The following PRKD1 variants were observed in gnomAD, a reference collection of about 807,000 sequenced individuals.
PRKD1 encodes the protein protein kinase D1.
A neutral mutation model predicts 95.9 loss-of-function variants in PRKD1; 63 were observed. That is an observed-to-expected ratio of 0.66 (90% CI 0.54 to 0.81). The LOEUF (loss-of-function observed/expected upper bound fraction) is 0.81. PRKD1 is among the 30% of genes least tolerant of loss of function. PRKD1 has a pLI of 0.00. For synonymous variants in PRKD1, 425 were observed against 423.1 expected, an observed-to-expected ratio of 1.00 and a Z score of -0.05; for missense variants, 1,048 against 1,165.3, an observed-to-expected ratio of 0.90 and a Z score of 1.47.
At chr14:29,674,842 G>A (rs2139244394) in intron 2 of PRKD1, among the ~76,000 whole-genome samples, 2 of 152,292 alleles carry the variant, frequency 1.3e-5, no homozygotes, top group South Asian at 4.1e-4. Context: ...CATCACTGTT[G>A]TCAAATACAA....
At chr14:29,827,411 T>C (rs1057305959) in intron 1 of PRKD1, among the ~76,000 whole-genome samples, 1 of 152,086 alleles carries the variant, frequency 6.6e-6, no homozygotes, top group East Asian at 1.9e-4. Context: ...ATTGGATGCA[T>C]ACTCTGGACT....
intron 1 of PRKD1, among the ~76,000 whole-genome samples, chr14:29,834,121 T>G (rs1372654673): frequency 6.6e-6 from 1 of 152,196 alleles, no homozygotes. Context: ...AACTTTAATT[T>G]GTTTTAAATT....
intron 1 of PRKD1, among the ~76,000 whole-genome samples, chr14:29,775,766 A>T (rs116473096): frequency 0.011 from 1,676 of 152,216 alleles, 30 homozygotes; most frequent in African/African-American, 0.038. Context: ...GCAAACTTAA[A>T]TGTCCCTGTC....
intron 4 of PRKD1, among the ~76,000 whole-genome samples, chr14:29,640,849 T>A (rs1880712275): frequency 6.6e-6 from 1 of 152,186 alleles, no homozygotes; most frequent in African/African-American, 2.4e-5. Context: ...AAATCACTGT[T>A]CAGTTACATT....
rs556369264 is a variant in PRKD1 at position 29,694,024 on chromosome 14, C to G, written c.404-27816G>C. ...CAAATATTTGAAAATATGCATCAAC[C>G]TTCATAGGAACCCTCTACCTTCTAC... On this transcript the variant is annotated intron_variant, in intron 2 of 17. Coordinates refer to ENST00000331968, the MANE Select transcript of PRKD1 (RefSeq NM_002742.3). Among the ~76,000 whole-genome samples, 42 of 152,194 alleles carry G rather than the reference C, an allele frequency of 2.8e-4. No homozygotes were observed. In the South Asian group the frequency reaches 5.0e-3, roughly 18 times the overall value.
intron 1 of PRKD1, among the ~76,000 whole-genome samples, chr14:29,918,351 A>G (rs1276553053): frequency 1.3e-5 from 2 of 152,150 alleles, no homozygotes; most frequent in African/African-American, 4.8e-5. Context: ...AACTATGAAA[A>G]TATCAAATAG....
At chr14:29,583,888 C>T (rs1340163509) in intron 16 of PRKD1, among the ~76,000 whole-genome samples, 1 of 152,144 alleles carries the variant, frequency 6.6e-6, no homozygotes, top group African/African-American at 2.4e-5. Flanking sequence ...TTGGCTAACA[C>T]AGTTACTCTC....
chr14:29,792,030 A>G (rs138254646), intron 1 of PRKD1, among the ~76,000 whole-genome samples: 1 of 152,138 alleles, frequency 6.6e-6, no homozygotes, highest in African/African-American at 2.4e-5. Flanking sequence ...AATTTTAGCT[A>G]TTTTTCAGGT....
At chr14:29,780,994 A>G (rs568029681) in intron 1 of PRKD1, among the ~76,000 whole-genome samples, 1 of 152,206 alleles carries the variant, frequency 6.6e-6, no homozygotes, top group African/African-American at 2.4e-5. Context: ...TTGTAGGGAC[A>G]TGGATGAAGC....
chr14:29,577,647 T>C (rs1296328347), intron 17 of PRKD1, among the ~76,000 whole-genome samples, 191 bp from the exon 18 acceptor site: 3 of 152,190 alleles, frequency 2.0e-5, no homozygotes, highest in African/African-American at 7.2e-5. Flanking sequence ...CCTTTGCAAA[T>C]ACATACTGTT....
intron 1 of PRKD1, among the ~76,000 whole-genome samples, chr14:29,728,623 C>T (rs1209210229): frequency 6.6e-6 from 1 of 152,070 alleles, no homozygotes; most frequent in Non-Finnish European, 1.5e-5. Flanking sequence ...CCTTTTATTA[C>T]TTATTAGTAT....
intron 1 of PRKD1, among the ~76,000 whole-genome samples, chr14:29,766,581 C>T (rs896751734): frequency 2.0e-5 from 3 of 152,222 alleles, no homozygotes; most frequent in East Asian, 1.9e-4. Flanking sequence ...CTGTTCTCAA[C>T]CTCAGCAGCA....
chr14:29,821,621 T>G (rs541909088), intron 1 of PRKD1, among the ~76,000 whole-genome samples: 12 of 152,290 alleles, frequency 7.9e-5, no homozygotes, highest in Admixed American at 2.0e-4. Context: ...AGGGACACAC[T>G]GGAATTTTTA....
intron 1 of PRKD1, among the ~76,000 whole-genome samples, chr14:29,778,775 C>G (rs1169613319): frequency 1.1e-4 from 16 of 152,180 alleles, no homozygotes; most frequent in Admixed American, 1.0e-3. Flanking sequence ...GGAATCCTCC[C>G]TAACTCATTT....
chr14:29,849,981 G>T (rs116371055), intron 1 of PRKD1, among the ~76,000 whole-genome samples: 1 of 151,992 alleles, frequency 6.6e-6, no homozygotes, highest in Non-Finnish European at 1.5e-5. Flanking sequence ...TTAAGAAAAC[G>T]CTTTCGAGAG....
chr14:29,578,363 GA>G lies in PRKD1; in HGVS notation c.2435-4del. The G allele has an allele frequency of 2.5e-6, 4 of 1,599,752 alleles. No individual in the cohort carries two copies. The highest frequency in any genetic ancestry group is 1.7e-4 in the Middle Eastern group (1 of 5,994). ...CAAATTGTTGATAAGATCAATGGCT[GA>G]AAAAAATTACCAGTAAAAATAGATG... On this transcript the variant is annotated splice_polypyrimidine_tract_variant and splice_region_variant and intron_variant, in intron 16 of 17. Transcript: ENST00000331968.
At chr14:29,884,749 G>A (rs1397685441) in intron 1 of PRKD1, among the ~76,000 whole-genome samples, 1 of 152,234 alleles carries the variant, frequency 6.6e-6, no homozygotes, top group Non-Finnish European at 1.5e-5. Flanking sequence ...GAAGGAGGCT[G>A]AGGATGCAGA....
At chr14:29,860,616 A>C (rs1476632832) in intron 1 of PRKD1, among the ~76,000 whole-genome samples, 1 of 152,222 alleles carries the variant, frequency 6.6e-6, no homozygotes, top group Non-Finnish European at 1.5e-5. Context: ...ATAACTTTAG[A>C]AATTAAATTT....
intron 14 of PRKD1, among the ~76,000 whole-genome samples, 189 bp downstream of exon 14, chr14:29,599,467 T>C (rs1261718751): frequency 2.0e-5 from 3 of 152,172 alleles, no homozygotes; most frequent in Non-Finnish European, 4.4e-5. Context: ...ATGTTACTAA[T>C]TTGGTACACT....
Sources: allele counts gnomAD v4.1 joint callset (sites outside exome capture counted in the v4.1 genomes callset), GRCh38; gene constraint gnomAD v4.1.1; transcripts MANE v1.5; gene names NCBI Gene and HGNC (gene_info 2026-07-23, HGNC 2026-07-21).